The following RAPGEF6 variants were observed in gnomAD, a reference collection of about 807,000 sequenced individuals.
The protein encoded by RAPGEF6 is PDZ domain containing guanine nucleotide exchange factor (GEF) 2.
Under a neutral mutation model 171.4 loss-of-function variants are expected in RAPGEF6, and 56 were observed. The observed-to-expected ratio is 0.33, with a 90% CI of 0.26 to 0.41. The LOEUF (loss-of-function observed/expected upper bound fraction) is 0.41. RAPGEF6 is among the 10% of genes least tolerant of loss of function. RAPGEF6 has a pLI of 1.00. For synonymous variants in RAPGEF6, 692 were observed against 650.1 expected (o/e 1.06, Z -0.98); for missense variants, 1,674 against 1,921.4 (o/e 0.87, Z 2.41).
chr5:131,538,086 T>G (rs1759892568), intron 6 of RAPGEF6, among the ~76,000 whole-genome samples: 1 of 152,052 alleles, frequency 6.6e-6, no homozygotes, highest in South Asian at 2.1e-4. Flanking sequence ...CGAGACCGTC[T>G]CAAATAAAAC....
At chr5:131,440,737 C>CAAAAAA (rs1168441695) in intron 23 of RAPGEF6, among the ~76,000 whole-genome samples, 91 of 66,790 alleles carry the variant, frequency 1.4e-3, no homozygotes, top group East Asian at 2.8e-3. Context: ...GACTCTGTCT[C>CAAAAAA]AAAAAAAAAA....
chr5:131,492,701 G>C lies in RAPGEF6; in HGVS notation c.1612C>G (p.Arg538Gly). The C allele has an allele frequency of 6.2e-7, 1 of 1,614,070 alleles. No individual in the cohort carries two copies. The highest frequency in any genetic ancestry group is 8.5e-7 in the Non-Finnish European group (1 of 1,179,972). The stretch of plus-strand genomic sequence containing the variant: ...AGGCTGAATTGTAGAGGGGACTCGC[G>C]GGAAGCCTTTTGCAGCACAACCTGT... ...WRQVVLQKAS[R>G]ESPLQFSLNG... is the part of the protein sequence containing the mutation. Residue 538 changes from arginine (R) to glycine (G), a missense_variant, in exon 14 of 28, where the codon CGC (arginine) becomes GGC (glycine). Physicochemically the swap from Arg to Gly is moderately radical, Grantham distance 125 (BLOSUM62 -2). Around this residue, in one of 3 missense-constraint regions of RAPGEF6, gnomAD observed 1,116 missense variants for 1,321.5 expected, o/e 0.84. Coordinates refer to ENST00000509018, the MANE Select transcript of RAPGEF6 (RefSeq NM_016340.6).
chr5:131,440,356 C>A (rs367825909), intron 23 of RAPGEF6: 140 of 385,802 alleles, frequency 3.6e-4, no homozygotes, highest in African/African-American at 2.7e-3. Flanking sequence ...TAGTGTACCT[C>A]AAACTTAGCA....
chr5:131,455,939 G>A lies in RAPGEF6; in HGVS notation c.2938C>T (p.Leu980Phe), dbSNP rs369473445. The A allele has an allele frequency of 1.2e-6, 2 of 1,614,096 alleles. No homozygotes were observed. Among genetic ancestry groups the A allele is most frequent in the Non-Finnish European group, 1.7e-6 (2 of 1,179,998 alleles). The change falls in exon 20 of 28, where the codon CTT becomes TTT. Residue 980 changes from leucine to phenylalanine, a missense_variant. By Grantham distance (22) the Leu-to-Phe change is conservative. This residue lies in a region of RAPGEF6 where 1,116 missense variants were observed against 1,321.5 expected (regional missense o/e 0.84). Transcript: ENST00000509018. Reference protein sequence around the residue: ...EKLPSKYEKHLQDLQDIFDPS... With the variant: ...EKLPSKYEKHFQDLQDIFDPS... ...TCAAAAATGTCTTGTAGATCTTGAA[G>A]ATGTTTCTCGTATTTGCTTGGTAAC...
intron 26 of RAPGEF6, among the ~76,000 whole-genome samples, chr5:131,429,774 C>A (rs1751585281): frequency 6.6e-6 from 1 of 152,110 alleles, no homozygotes; most frequent in Admixed American, 6.5e-5. Flanking sequence ...TTACTTCTGG[C>A]CAGGTGCGGT....
chr5:131,475,550 G>C (rs549671691), intron 16 of RAPGEF6, among the ~76,000 whole-genome samples: 1 of 152,138 alleles, frequency 6.6e-6, no homozygotes, highest in South Asian at 2.1e-4. Context: ...GTTTATTTCT[G>C]GGATTGTTAC....
At chr5:131,452,092 C>T (rs912898571) in intron 21 of RAPGEF6, among the ~76,000 whole-genome samples, 2 of 151,854 alleles carry the variant, frequency 1.3e-5, no homozygotes, top group Non-Finnish European at 2.9e-5. Context: ...TAGTGGCAGG[C>T]GCCTGTTGTT....
rs1760836254 is a variant in RAPGEF6, at chr5:131,550,252, G to C, written c.352-2062C>G. On this transcript the variant is annotated intron_variant, in intron 5 of 27. Coordinates refer to ENST00000509018, the MANE Select transcript of RAPGEF6 (RefSeq NM_016340.6). ...CCTGCAGGGTCAAACAAATCACCTA[G>C]ATAATCACCATTACTCAGGTTTCCT... 2.0e-5 allele frequency among the ~76,000 whole-genome samples: 3 copies of C among 152,112 alleles called. No individual in the cohort carries two copies. In the South Asian group the frequency reaches 6.2e-4, roughly 31 times the overall value.
At chr5:131,625,723 A>T (rs1383782736) in intron 1 of RAPGEF6, among the ~76,000 whole-genome samples, 1 of 151,488 alleles carries the variant, frequency 6.6e-6, no homozygotes, top group Non-Finnish European at 1.5e-5. Context: ...GGCTGAGACA[A>T]GAGAATTGTG....
At chr5:131,596,467 G>C (rs1763911374) in intron 3 of RAPGEF6, among the ~76,000 whole-genome samples, 1 of 151,822 alleles carries the variant, frequency 6.6e-6, no homozygotes, top group African/African-American at 2.4e-5. Context: ...TATAAAGGGA[G>C]AGACAGACTA....
intron 19 of RAPGEF6, among the ~76,000 whole-genome samples, chr5:131,456,725 C>T (rs1753537837): frequency 6.6e-6 from 1 of 152,180 alleles, no homozygotes; most frequent in Admixed American, 6.5e-5. Context: ...TCCTGTTTCT[C>T]AGCCATCTGA....
At chr5:131,590,706 T>G (rs761157144) in intron 4 of RAPGEF6, among the ~76,000 whole-genome samples, 5 of 152,214 alleles carry the variant, frequency 3.3e-5, no homozygotes, top group Non-Finnish European at 5.9e-5. Flanking sequence ...TTTTCTAAAA[T>G]CTCAAACATT....
At chr5:131,600,631 G>C (rs1247897118) in intron 3 of RAPGEF6, among the ~76,000 whole-genome samples, 2 of 149,058 alleles carry the variant, frequency 1.3e-5, no homozygotes, top group South Asian at 2.1e-4. Flanking sequence ...GAAGAGGAGA[G>C]GAGGAGGGAG....
At chr5:131,429,771 T>C (rs1751585132) in intron 26 of RAPGEF6, among the ~76,000 whole-genome samples, 1 of 152,098 alleles carries the variant, frequency 6.6e-6, no homozygotes, top group Admixed American at 6.6e-5. Flanking sequence ...ACTTTACTTC[T>C]GGCCAGGTGC....
intron 7 of RAPGEF6, among the ~76,000 whole-genome samples, chr5:131,512,028 G>A (rs1189229644): frequency 6.6e-6 from 1 of 152,150 alleles, no homozygotes; most frequent in Non-Finnish European, 1.5e-5. Flanking sequence ...CCTTCCTGTG[G>A]CAGAAGAAAA....
chr5:131,464,443 CCT>C, intron 17 of RAPGEF6, 162 bp from the exon 18 acceptor site: 1 of 586,134 alleles, frequency 1.7e-6, no homozygotes, highest in Admixed American at 3.3e-5. Context: ...ATAAATATAT[CCT>C]TTTTTTTTTT....
At chr5:131,611,078 T>G (rs1400875851) in intron 1 of RAPGEF6, among the ~76,000 whole-genome samples, 2 of 152,232 alleles carry the variant, frequency 1.3e-5, no homozygotes, top group Non-Finnish European at 2.9e-5. Context: ...AGGATTCTCC[T>G]TCCACCTTGC....
intron 1 of RAPGEF6, among the ~76,000 whole-genome samples, chr5:131,622,943 T>C (rs1399161819): frequency 6.6e-6 from 1 of 152,182 alleles, no homozygotes; most frequent in Non-Finnish European, 1.5e-5. Flanking sequence ...AAGTGTACAT[T>C]TGAAGACCAT....
intron 15 of RAPGEF6, among the ~76,000 whole-genome samples, chr5:131,488,063 C>T (rs1756040320): frequency 6.6e-6 from 1 of 152,106 alleles, no homozygotes; most frequent in Non-Finnish European, 1.5e-5. Flanking sequence ...TTGCTTTCCT[C>T]CTAGGGTAAG....
Sources: allele counts gnomAD v4.1 joint callset (sites outside exome capture counted in the v4.1 genomes callset), GRCh38; gene constraint gnomAD v4.1.1; regional missense constraint gnomAD v4.1.1; transcripts MANE v1.5; gene names NCBI Gene and HGNC (gene_info 2026-07-23, HGNC 2026-07-21).